Variants in SAMD4A observed in about 807,000 individuals in gnomAD.
The protein encoded by SAMD4A is sterile alpha motif domain containing 4A, also known as protein Smaug homolog 1.
Under a neutral mutation model 81.3 loss-of-function variants are expected in SAMD4A, and 33 were observed. That is an observed-to-expected ratio of 0.41 (90% CI 0.31 to 0.54). The LOEUF is 0.54. Among genes scored for constraint, SAMD4A ranks in the 20% least tolerant of loss-of-function variants. SAMD4A has a pLI of 0.37. For synonymous variants in SAMD4A, 389 were observed against 382.1 expected (o/e 1.02, Z -0.21); for missense variants, 854 against 951.1 (o/e 0.90, Z 1.34).
At chr14:54,667,734 A>T (rs1260478891) in intron 2 of SAMD4A, among the ~76,000 whole-genome samples, 1 of 152,190 alleles carries the variant, frequency 6.6e-6, no homozygotes, top group Non-Finnish European at 1.5e-5. Context: ...TAATTTTTCA[A>T]TCACAGCTTA....
chr14:54,643,626 G>A (rs190987782), intron 2 of SAMD4A, among the ~76,000 whole-genome samples: 2 of 152,276 alleles, frequency 1.3e-5, no homozygotes, highest in East Asian at 1.9e-4. Flanking sequence ...GGCAAGAGTC[G>A]GTATGCTCTT....
At chr14:54,663,103 TA>T in intron 2 of SAMD4A, among the ~76,000 whole-genome samples, 1 of 152,206 alleles carries the variant, frequency 6.6e-6, no homozygotes, top group East Asian at 1.9e-4. Flanking sequence ...AGAATGGGCT[TA>T]ACTGAAGAGC....
chr14:54,753,855 A>T (rs970992436), intron 6 of SAMD4A, among the ~76,000 whole-genome samples: 1 of 152,210 alleles, frequency 6.6e-6, no homozygotes, highest in African/African-American at 2.4e-5. Context: ...TTTTAATTTT[A>T]TACTACTTTA....
At chr14:54,626,545 G>A (rs1257388477) in intron 2 of SAMD4A, among the ~76,000 whole-genome samples, 2 of 152,154 alleles carry the variant, frequency 1.3e-5, no homozygotes, top group South Asian at 2.1e-4. Context: ...TGATTGCTAG[G>A]TGATGGCCAA....
chr14:54,708,742 A>G (rs1446554160), intron 3 of SAMD4A, among the ~76,000 whole-genome samples: 1 of 152,218 alleles, frequency 6.6e-6, no homozygotes, highest in Non-Finnish European at 1.5e-5. Context: ...AAAATGTTAC[A>G]GATAGGTTAA....
Position 54,784,131 on chromosome 14 carries a change from C to A in SAMD4A, c.2045-406C>A, listed in dbSNP as rs567187338. The A allele has an allele frequency of 1.5e-5, 8 of 546,826 alleles. 1 individual carries two copies. In the South Asian group the frequency reaches 1.5e-4, roughly 10 times the overall value. 33.9% of individuals were successfully genotyped at this position (546,826 alleles called of 1,614,324 possible). A position where few individuals can be genotyped will look rare whatever the true frequency, so the allele number is the denominator to read the frequency against. On this transcript the variant is annotated intron_variant, in intron 11 of 12. Coordinates refer to ENST00000554335, the MANE Select transcript of SAMD4A (RefSeq NM_015589.6). ...CCCCAGGGAACAGCGGTGCAAAGGC[C>A]GTGAGGTAGGAGGGGGCCTGGGGCA...
intron 3 of SAMD4A, among the ~76,000 whole-genome samples, chr14:54,736,432 A>AGGTCATGTTAGTACTGG: frequency 6.6e-6 from 1 of 152,150 alleles, no homozygotes; most frequent in East Asian, 1.9e-4. Flanking sequence ...CCATACCCTG[A>AGGTCATGTTAGTACTGG]GGTCATGTTA....
At chr14:54,767,903 C>T (rs1397769279) in intron 8 of SAMD4A, among the ~76,000 whole-genome samples, 1 of 152,248 alleles carries the variant, frequency 6.6e-6, no homozygotes, top group Admixed American at 6.5e-5. Context: ...TGCTAATGGG[C>T]TGGCTCCCAT....
At chr14:54,784,772 G>A (rs924647660) in intron 12 of SAMD4A, 152 bp downstream of exon 12, 3 of 711,380 alleles carry the variant, frequency 4.2e-6, no homozygotes, top group African/African-American at 1.7e-5. Flanking sequence ...AGTGGCCTTA[G>A]GGTACTGTTG....
intron 2 of SAMD4A, among the ~76,000 whole-genome samples, chr14:54,661,629 T>C (rs957316956): frequency 1.3e-5 from 2 of 152,206 alleles, no homozygotes; most frequent in African/African-American, 4.8e-5. Context: ...TCTTTGTGCA[T>C]GCAAGTTGGC....
intron 4 of SAMD4A, among the ~76,000 whole-genome samples, chr14:54,738,014 G>A (rs2037743979): frequency 6.6e-6 from 1 of 152,210 alleles, no homozygotes; most frequent in South Asian, 2.1e-4. Context: ...GGTACAAAGA[G>A]GATACGTGCA....
intron 2 of SAMD4A, among the ~76,000 whole-genome samples, chr14:54,641,503 C>T (rs538099149): frequency 3.1e-4 from 47 of 152,310 alleles, no homozygotes; most frequent in Middle Eastern, 3.4e-3. Context: ...TCACTACACT[C>T]GTGCGTTCAC....
intron 3 of SAMD4A, among the ~76,000 whole-genome samples, chr14:54,707,760 AG>A (rs1201177688): frequency 1.3e-5 from 2 of 152,204 alleles, no homozygotes; most frequent in Non-Finnish European, 2.9e-5. Context: ...TGGAGCAAAG[AG>A]TATTCCAAGC....
At chr14:54,616,309 C>T (rs2034489857) in intron 2 of SAMD4A, among the ~76,000 whole-genome samples, 1 of 152,146 alleles carries the variant, frequency 6.6e-6, no homozygotes. Flanking sequence ...TGGGACAATG[C>T]CTATTTTTTT....
chr14:54,631,893 T>G (rs1460422642), intron 2 of SAMD4A, among the ~76,000 whole-genome samples: 1 of 152,200 alleles, frequency 6.6e-6, no homozygotes, highest in Non-Finnish European at 1.5e-5. Flanking sequence ...GCATTTTTGG[T>G]AAAGAAAGTT....
intron 2 of SAMD4A, among the ~76,000 whole-genome samples, chr14:54,623,483 C>CAAAAAAAAAAAAAAAAAAAAAAA (rs59768858): frequency 4.4e-5 from 2 of 45,952 alleles, no homozygotes; most frequent in Non-Finnish European, 7.8e-5. Flanking sequence ...TGGACATCAG[C>CAAAAAAAAAAAAAAAAAAAAAAA]AAAAAAAAAA....
At chr14:54,686,256 G>T (rs1223234808) in intron 2 of SAMD4A, among the ~76,000 whole-genome samples, 1 of 152,202 alleles carries the variant, frequency 6.6e-6, no homozygotes, top group African/African-American at 2.4e-5. Context: ...AGGTGGGGAT[G>T]CCCTGGCTCC....
Position 54,759,756 on chromosome 14 carries a change from A to G in SAMD4A, c.1177-405A>G, listed in dbSNP as rs117487889. Among the ~76,000 whole-genome samples, 214 of 152,234 alleles carry G rather than the reference A, an allele frequency of 1.4e-3. 1 individual carries two copies. The highest frequency in any genetic ancestry group is 3.4e-3 in the Middle Eastern group (1 of 294). On this transcript the variant is annotated intron_variant, in intron 6 of 12. Coordinates refer to ENST00000554335, the MANE Select transcript of SAMD4A (RefSeq NM_015589.6). ...GACTGAGTGATGGTGTGAACAAGCTATTTCATCCAGAACATACACAGGACA... is the reference window on the plus strand; with the variant it reads ...GACTGAGTGATGGTGTGAACAAGCTGTTTCATCCAGAACATACACAGGACA...
At position 54,702,366 on chromosome 14, in the gene SAMD4A, C is replaced by T; in HGVS notation, c.501C>T (p.Asp167=). The change falls in exon 3 of 13, where the codon GAC becomes GAT. Residue 167 remains aspartate (D), a synonymous_variant. Transcript: ENST00000554335. ...SFGGQNRGRS[D]SVDYGQTHYY... ...GTGGCCAGAACCGAGGCCGCTCAGA[C>T]TCTGTGGATTATGGACAGACACACT... The T allele has an allele frequency of 6.2e-7, 1 of 1,614,172 alleles. No homozygotes were observed. Among genetic ancestry groups the T allele is most frequent in the Non-Finnish European group, 8.5e-7 (1 of 1,180,012 alleles).
Sources: gnomAD v4.1 joint callset for allele counts (sites outside exome capture counted in the v4.1 genomes callset) on GRCh38, gnomAD v4.1.1 for gene constraint, MANE v1.5 for transcripts, NCBI Gene and HGNC (gene_info 2026-07-23, HGNC 2026-07-21) for gene names.